Variants in OR51B5 observed in about 807,000 individuals in gnomAD.
The protein encoded by OR51B5 is olfactory receptor family 51 subfamily B member 5.
For missense variants in OR51B5, 456 were observed against 374.6 expected (o/e 1.22, Z -1.79); for synonymous variants, 186 against 144.8 (o/e 1.28, Z -2.04).
chr11:5,411,146 C>T (rs1850143502), intron 1 of OR51B5, among the ~76,000 whole-genome samples: 2 of 152,248 alleles, frequency 1.3e-5, no homozygotes, highest in South Asian at 4.1e-4. Flanking sequence ...CTGATTCACT[C>T]AGAGCAACTT....
At chr11:5,413,597 T>C (rs1393555948) in intron 1 of OR51B5, among the ~76,000 whole-genome samples, 3 of 152,134 alleles carry the variant, frequency 2.0e-5, no homozygotes, top group Non-Finnish European at 4.4e-5. Context: ...AAGGAGCTGA[T>C]GGAGCTGAAA....
At chr11:5,366,810 GT>G (rs1849376572) in intron 1 of OR51B5, among the ~76,000 whole-genome samples, 1 of 152,142 alleles carries the variant, frequency 6.6e-6, no homozygotes, top group Non-Finnish European at 1.5e-5. Flanking sequence ...AAATAAGTTT[GT>G]ATTGATGACT....
chr11:5,492,932 G>T (rs1388112472), intron 1 of OR51B5, among the ~76,000 whole-genome samples: 10 of 152,114 alleles, frequency 6.6e-5, no homozygotes, highest in Admixed American at 2.0e-4. Flanking sequence ...ACCACACCCA[G>T]CCAGACTCTC....
chr11:5,483,071 G>A (rs1323096980), intron 1 of OR51B5, among the ~76,000 whole-genome samples: 21 of 149,346 alleles, frequency 1.4e-4, no homozygotes, highest in South Asian at 1.1e-3. Flanking sequence ...TGTTTATTGC[G>A]GCATTATGCA....
intron 1 of OR51B5, among the ~76,000 whole-genome samples, chr11:5,458,002 AC>A (rs1322071714): frequency 6.6e-6 from 1 of 152,090 alleles, no homozygotes; most frequent in South Asian, 2.1e-4. Flanking sequence ...TTTTGTTGCA[AC>A]GGCTTTTGGA....
chr11:5,479,888 C>T (rs1227163138), intron 1 of OR51B5, among the ~76,000 whole-genome samples: 1 of 140,050 alleles, frequency 7.1e-6, no homozygotes, highest in African/African-American at 2.7e-5. Flanking sequence ...TACAAAGAGA[C>T]TTAGACTCCC....
At chr11:5,393,498 C>T (rs1392368053) in intron 1 of OR51B5, among the ~76,000 whole-genome samples, 3 of 152,034 alleles carry the variant, frequency 2.0e-5, no homozygotes, top group Non-Finnish European at 4.4e-5. Flanking sequence ...ATTTCTCTAT[C>T]TTTGCCGTAT....
At chr11:5,416,837 C>T (rs1418526453) in intron 1 of OR51B5, among the ~76,000 whole-genome samples, 1 of 151,868 alleles carries the variant, frequency 6.6e-6, no homozygotes, top group Non-Finnish European at 1.5e-5. Flanking sequence ...AATATTGTGA[C>T]AATGGCCATA....
At chr11:5,341,497 T>C (rs1225362688), downstream of OR51B5, 3 of 152,292 alleles carry the variant, frequency 2.0e-5, no homozygotes, top group Non-Finnish European at 4.4e-5. Context: ...CACTGAAGTA[T>C]TATTTTTGCT....
intron 1 of OR51B5, among the ~76,000 whole-genome samples, chr11:5,398,605 T>A (rs1169905139): frequency 6.6e-6 from 1 of 152,142 alleles, no homozygotes; most frequent in Non-Finnish European, 1.5e-5. Context: ...CCACCCAAAT[T>A]TCATATTGAA....
chr11:5,489,369 T>C (rs771059134), intron 1 of OR51B5: 12 of 1,614,014 alleles, frequency 7.4e-6, no homozygotes, highest in African/African-American at 1.3e-5. Flanking sequence ...CCATTTCCTA[T>C]GGCTTTATCC....
intron 1 of OR51B5, among the ~76,000 whole-genome samples, chr11:5,497,513 C>T (rs1480305054): frequency 1.3e-5 from 2 of 152,152 alleles, no homozygotes; most frequent in African/African-American, 4.8e-5. Context: ...TTGGGACACT[C>T]TAGAGAGGGT....
At chr11:5,404,551 GACCAAGAAA>G (rs1850031230) in intron 1 of OR51B5, among the ~76,000 whole-genome samples, 1 of 152,156 alleles carries the variant, frequency 6.6e-6, no homozygotes, top group African/African-American at 2.4e-5. Flanking sequence ...CTGTAAAATG[GACCAAGAAA>G]CAGGATGTGG....
intron 1 of OR51B5, chr11:5,389,889 G>A (rs1023356797): frequency 3.1e-6 from 5 of 1,612,584 alleles, no homozygotes; most frequent in East Asian, 2.2e-5. Flanking sequence ...ATCTTCCGGG[G>A]ACCTGTGGCC....
intron 1 of OR51B5, among the ~76,000 whole-genome samples, chr11:5,464,221 T>C (rs1027827761): frequency 6.6e-6 from 1 of 152,368 alleles, no homozygotes; most frequent in South Asian, 2.1e-4. Flanking sequence ...AAAAAGCAAA[T>C]ATATTGTGAA....
At chr11:5,389,773 A>G (rs1255446621) in intron 1 of OR51B5, 4 of 1,613,862 alleles carry the variant, frequency 2.5e-6, no homozygotes, top group Non-Finnish European at 3.4e-6. Flanking sequence ...TGGAGTCCTC[A>G]GTGCTCCTCA....
chr11:5,488,872 A>T (rs755318923), intron 1 of OR51B5: 1 of 1,613,996 alleles, frequency 6.2e-7, no homozygotes, highest in East Asian at 2.2e-5. Context: ...TGCCATGGAC[A>T]ATGCTCTTCA....
chr11:5,370,113 C>G (rs1029206659), intron 1 of OR51B5, among the ~76,000 whole-genome samples: 8 of 152,052 alleles, frequency 5.3e-5, no homozygotes, highest in Admixed American at 5.2e-4. Context: ...TATAGAAATG[C>G]ATATAGAAAA....
exon 1 of OR51B5, chr11:5,342,850 G>T (rs1234543474): frequency 6.2e-7 from 1 of 1,612,936 alleles, no homozygotes; most frequent in Non-Finnish European, 8.5e-7. Context: ...TGGAGGCAAT[G>T]CTCAGGACAG....
Sources: allele counts gnomAD v4.1 joint callset (sites outside exome capture counted in the v4.1 genomes callset), GRCh38; gene constraint gnomAD v4.1.1; transcripts MANE v1.5; gene names NCBI Gene and HGNC (gene_info 2026-07-23, HGNC 2026-07-21).